The following CFAP54 variants were observed in gnomAD, a reference collection of about 807,000 sequenced individuals.
CFAP54 encodes cilia and flagella associated protein 54.
A neutral mutation model predicts 370.4 loss-of-function variants in CFAP54; 290 were observed. The ratio of observed to expected loss-of-function variants is 0.78; its 90% CI spans 0.71 to 0.86. The LOEUF (loss-of-function observed/expected upper bound fraction) is 0.86, where lower values mean the gene tolerates loss of function less well. Ranked by LOEUF, CFAP54 falls within the 40% of genes least tolerant of loss-of-function variation. The probability of loss-of-function intolerance (pLI) is 0.00; values close to 1 mark genes in which losing one functional copy is unlikely to be tolerated. For missense variants in CFAP54, 3,399 were observed against 3,528.7 expected, an observed-to-expected ratio of 0.96 and a Z score of 0.93; for synonymous variants, 1,206 against 1,236.5, an observed-to-expected ratio of 0.98 and a Z score of 0.52.
intron 34 of CFAP54, among the ~76,000 whole-genome samples, chr12:96,648,220 G>A (rs1565927921): frequency 6.6e-6 from 1 of 152,022 alleles, no homozygotes; most frequent in Non-Finnish European, 1.5e-5. Flanking sequence ...TGATATTATT[G>A]CATATATTTG....
At chr12:96,836,725 T>A (rs1481388415) in intron 66 of CFAP54, among the ~76,000 whole-genome samples, 2 of 152,254 alleles carry the variant, frequency 1.3e-5, no homozygotes, top group African/African-American at 2.4e-5. Context: ...GGTTAAATTC[T>A]ATTGATTTAC....
chr12:96,538,572 T>C, intron 13 of CFAP54, 54 bp downstream of exon 13: 1 of 1,511,936 alleles, frequency 6.6e-7, no homozygotes, highest in Non-Finnish European at 8.9e-7. Context: ...CTTATTCAAG[T>C]TGCCACACAC....
rs1284440671 is a variant in CFAP54 at position 96,507,019 on chromosome 12, G to A, written c.659G>A (p.Cys220Tyr). The change falls in exon 4 of 68, where the codon TGT (cysteine) becomes TAT (tyrosine). Residue 220 changes from cysteine to tyrosine, a missense_variant. By Grantham distance (194) the Cys-to-Tyr change is radical (BLOSUM62 -2). Around this residue, in one of 3 missense-constraint regions of CFAP54, gnomAD observed 559 missense variants for 576.7 expected, o/e 0.97. Transcript: ENST00000524981. ...NLKNKESVVQ[C>Y]LHILSSLRLI... ...AAGAATAAAGAATCTGTGGTCCAGT[G>A]TCTGCATATCTTGTCCTCCTTAAGG... The A allele has an allele frequency of 6.5e-7, 1 of 1,536,138 alleles. No homozygotes were observed. The highest frequency in any genetic ancestry group is 8.7e-7 in the Non-Finnish European group (1 of 1,146,842).
rs540315434 is a variant in CFAP54, at chr12:96,750,936, G to A, written c.7685-2807G>A. ...AAAAGGAGCACTTAAATATTATAAA[G>A]CATAAAATCAGCTGTGACTTGATGC... is the stretch of plus-strand genomic sequence containing the variant. On this transcript the variant is annotated intron_variant, in intron 55 of 67. Transcript: ENST00000524981. 1.6e-4 allele frequency among the ~76,000 whole-genome samples: 24 copies of A among 152,222 alleles called. No individual in the cohort carries two copies. In the South Asian group the frequency reaches 5.0e-3, roughly 32 times the overall value.
At position 96,725,844 on chromosome 12, in the gene CFAP54, T is replaced by C. The variant is rs1299765429; in HGVS notation, c.6965+5279T>C. On this transcript the variant is annotated intron_variant, in intron 50 of 67. Coordinates refer to ENST00000524981, the MANE Select transcript of CFAP54 (RefSeq NM_001306084.2). ...AGATAGCTCTTATTATTTTGAGATA[T>C]GTCCCATCAATACCTAATTTATTGA... is the stretch of plus-strand genomic sequence containing the variant. Among the ~76,000 whole-genome samples the C allele has an allele frequency of 1.2e-3, 177 of 151,792 alleles. 1 individual carries two copies. The highest frequency in any genetic ancestry group is 3.9e-3 in the Admixed American group (59 of 15,236).
intron 50 of CFAP54, among the ~76,000 whole-genome samples, chr12:96,727,348 A>G (rs1344746775): frequency 6.6e-6 from 1 of 150,708 alleles, no homozygotes; most frequent in African/African-American, 2.5e-5. Context: ...TGCTTGATGA[A>G]TCTGGGTGCT....
intron 5 of CFAP54, among the ~76,000 whole-genome samples, chr12:96,514,045 A>G (rs1955203736): frequency 6.6e-6 from 1 of 152,170 alleles, no homozygotes; most frequent in Admixed American, 6.6e-5. Context: ...ATTTTTGTCC[A>G]CGGGAGACAT....
chr12:96,605,050 C>G (rs1451047100), intron 26 of CFAP54, among the ~76,000 whole-genome samples: 1 of 152,218 alleles, frequency 6.6e-6, no homozygotes, highest in Non-Finnish European at 1.5e-5. Flanking sequence ...AATCACCTGT[C>G]ATCTGCGTTG....
chr12:96,540,838 G>A lies in CFAP54; in HGVS notation c.1928G>A (p.Trp643Ter). The stretch of plus-strand genomic sequence containing the variant: ...TTGCTGTGTATTTTCTCTTTTTAGT[G>A]GATTTATCTTCTGTGGCAGATAAAT... ...KFTQKISTNK[W>*]IYLLWQINEV... Residue 643 changes from tryptophan to a stop codon, truncating the protein, a stop_gained and splice_region_variant, in exon 14 of 68, where the codon TGG becomes TAG. Transcript: ENST00000524981. LOFTEE classifies it high-confidence loss of function. The A allele has an allele frequency of 7.0e-7, 1 of 1,432,050 alleles. No homozygotes were observed. The highest frequency in any genetic ancestry group is 9.1e-7 in the Non-Finnish European group (1 of 1,098,992). 88.7% of individuals were successfully genotyped at this position (1,432,050 alleles called of 1,614,324 possible). A position where few individuals can be genotyped will look rare whatever the true frequency, so the allele number is the denominator to read the frequency against.
intron 22 of CFAP54, among the ~76,000 whole-genome samples, chr12:96,584,317 A>G (rs763654629): frequency 6.6e-6 from 1 of 152,072 alleles, no homozygotes; most frequent in Non-Finnish European, 1.5e-5. Flanking sequence ...TACAAAAATT[A>G]GCCAGATGTG....
chr12:96,745,859 A>C (rs1421411473), intron 55 of CFAP54, among the ~76,000 whole-genome samples: 1 of 152,250 alleles, frequency 6.6e-6, no homozygotes, highest in Non-Finnish European at 1.5e-5. Flanking sequence ...TTGAAGGGAC[A>C]GCATCTTATG....
At chr12:96,508,043 C>T in intron 4 of CFAP54, among the ~76,000 whole-genome samples, 1 of 151,872 alleles carries the variant, frequency 6.6e-6, no homozygotes, top group Non-Finnish European at 1.5e-5. Flanking sequence ...TGGTTGAGCC[C>T]TGTGGTCAGC....
chr12:96,849,804 C>T (rs1294087621), intron 66 of CFAP54, among the ~76,000 whole-genome samples: 1 of 152,124 alleles, frequency 6.6e-6, no homozygotes, highest in Non-Finnish European at 1.5e-5. Context: ...CTTTCATCCT[C>T]TCTAGGCAGA....
chr12:96,671,174 G>A (rs960627784), intron 39 of CFAP54, among the ~76,000 whole-genome samples: 2 of 152,048 alleles, frequency 1.3e-5, no homozygotes, highest in African/African-American at 4.8e-5. Flanking sequence ...GTTTCACCAT[G>A]TTGGCCAGGC....
At chr12:96,504,800 C>T (rs750282780) in intron 3 of CFAP54, among the ~76,000 whole-genome samples, 19 of 152,110 alleles carry the variant, frequency 1.2e-4, no homozygotes, top group Non-Finnish European at 2.1e-4. Context: ...ACCATAGGTA[C>T]GTGAATGAGA....
chr12:96,530,810 C>T (rs1955434298), intron 9 of CFAP54, among the ~76,000 whole-genome samples: 1 of 152,308 alleles, frequency 6.6e-6, no homozygotes, highest in South Asian at 2.1e-4. Context: ...TGTAAATGAT[C>T]CAGTTTCTGG....
chr12:96,645,817 T>A (rs1956782832), intron 33 of CFAP54: 1 of 152,198 alleles, frequency 6.6e-6, no homozygotes, highest in African/African-American at 2.4e-5. Context: ...CTATCTGATC[T>A]TTGACAAACC....
rs1387497608 is a variant in CFAP54, at chr12:96,875,369, G to C, written c.*266G>C. On this transcript the variant is annotated 3_prime_UTR_variant, in exon 68 of 68. Transcript: ENST00000524981. ...CTGCTGCAGCTTCATAGGTGTTTCA[G>C]CTCCCAGTAGGGCAGTTTAACTCCT... 6.6e-6 allele frequency: 1 copy of C among 152,172 alleles called. No individual in the cohort carries two copies. Among genetic ancestry groups the C allele is most frequent in the Non-Finnish European group, 1.5e-5 (1 of 68,042 alleles). The allele number at this position is 152,172 out of a possible 1,614,324, so 9.4% of individuals were successfully genotyped here.
chr12:96,545,398 A>C (rs1192404326), intron 14 of CFAP54, among the ~76,000 whole-genome samples: 1 of 152,182 alleles, frequency 6.6e-6, no homozygotes, highest in Non-Finnish European at 1.5e-5. Flanking sequence ...AAGTATAATA[A>C]ATAAAAAAGA....
Sources: gnomAD v4.1 joint callset for allele counts (sites outside exome capture counted in the v4.1 genomes callset) on GRCh38, gnomAD v4.1.1 for gene constraint, gnomAD v4.1.1 regional missense constraint, MANE v1.5 for transcripts, NCBI Gene and HGNC (gene_info 2026-07-23, HGNC 2026-07-21) for gene names.